The following CAMK2G variants were observed in gnomAD, a reference collection of about 807,000 sequenced individuals.
The protein encoded by CAMK2G is calcium/calmodulin dependent protein kinase II gamma.
CAMK2G carries 23 observed loss-of-function variants against 88.7 expected under a neutral mutation model. The observed-to-expected ratio is 0.26, with a 90% CI of 0.19 to 0.37. CAMK2G has a LOEUF of 0.37. Ranked by LOEUF, CAMK2G falls within the 10% of genes least tolerant of loss-of-function variation. The pLI is 1.00. For missense variants in CAMK2G, 476 were observed against 780.8 expected (o/e 0.61, Z 4.65); for synonymous variants, 263 against 294.8 (o/e 0.89, Z 1.11).
chr10:73,843,891 T>C (rs956457895), intron 10 of CAMK2G, among the ~76,000 whole-genome samples: 6 of 152,098 alleles, frequency 3.9e-5, no homozygotes, highest in Non-Finnish European at 7.4e-5. Flanking sequence ...CACAAGCCGA[T>C]CTTCACCTGC....
chr10:73,861,800 A>T (rs2095390749), intron 2 of CAMK2G, among the ~76,000 whole-genome samples: 1 of 152,228 alleles, frequency 6.6e-6, no homozygotes, highest in African/African-American at 2.4e-5. Flanking sequence ...CTGATAATAA[A>T]GAGGTTGATG....
rs1296993265 is a variant in CAMK2G, at chr10:73,842,401, C to A, written c.903+57G>T. ...GCTTCCTTCTGAAATGGGGCAGGAG[C>A]CACACTGGTGCAAGGCATGATGTCA... is the stretch of plus-strand genomic sequence containing the variant. On this transcript the variant is annotated intron_variant, in intron 11 of 22. Coordinates refer to ENST00000423381, the MANE Select transcript of CAMK2G (RefSeq NM_001367534.1). The surrounding 1 kb of genome is among the most constrained non-coding windows in gnomAD (Gnocchi z 4.6). 3.0e-6 allele frequency: 4 copies of A among 1,353,898 alleles called. No individual in the cohort carries two copies. Among genetic ancestry groups the A allele is most frequent in the Admixed American group, 1.7e-5 (1 of 59,696 alleles). The allele number at this position is 1,353,898 out of a possible 1,614,324, so 83.9% of individuals were successfully genotyped here.
At chr10:73,831,599 G>C (rs2092455758) in intron 14 of CAMK2G, among the ~76,000 whole-genome samples, 1 of 150,902 alleles carries the variant, frequency 6.6e-6, no homozygotes, top group Non-Finnish European at 1.5e-5. Context: ...GCCAGGCGTG[G>C]TGGCTCATGC....
In CAMK2G at chr10:73,848,045, G is replaced by A. The variant is rs767004072; in HGVS notation, c.639C>T (p.Pro213=). 5 of 1,611,982 alleles carry A rather than the reference G, an allele frequency of 3.1e-6. No individual in the cohort carries two copies. The highest frequency in any genetic ancestry group is 1.1e-5 in the South Asian group (1 of 91,054). ...ILYILLVGYP[P]FWDEDQHKLY... ...GCTTGTGCTGATCCTCATCCCAGAA[G>A]GGAGGATAGCCCACCAGGAGGATAT... Residue 213 remains proline, a synonymous_variant, in exon 9 of 23, where the codon CCC becomes CCT. Transcript: ENST00000423381. The surrounding 1 kb of genome is among the most constrained non-coding windows in gnomAD (Gnocchi z 4.5).
chr10:73,816,755 G>A (rs903474200), intron 21 of CAMK2G: 9 of 1,422,642 alleles, frequency 6.3e-6, no homozygotes, highest in Non-Finnish European at 6.5e-6. Context: ...CACCGCGCCC[G>A]GCAAGAAATA....
intron 3 of CAMK2G, among the ~76,000 whole-genome samples, chr10:73,857,457 G>C (rs538738093): frequency 3.3e-5 from 5 of 152,154 alleles, no homozygotes. Context: ...CTCCGAAGCC[G>C]CAAAACTTGG....
chr10:73,828,914 G>A (rs1031054797), intron 14 of CAMK2G, among the ~76,000 whole-genome samples: 5 of 152,152 alleles, frequency 3.3e-5, no homozygotes, highest in Admixed American at 1.3e-4. Flanking sequence ...TGAAGACCAC[G>A]TGGAACACTG....
chr10:73,864,796 C>G (rs2095524306), intron 2 of CAMK2G, among the ~76,000 whole-genome samples: 1 of 152,124 alleles, frequency 6.6e-6, no homozygotes, highest in Non-Finnish European at 1.5e-5. Context: ...GCGCCCATCA[C>G]CATGCCCGGC....
chr10:73,853,032 C>A (rs2094751317), intron 4 of CAMK2G, among the ~76,000 whole-genome samples, 160 bp downstream of exon 4: 1 of 152,184 alleles, frequency 6.6e-6, no homozygotes, highest in South Asian at 2.1e-4. Context: ...TGGAGACCCC[C>A]TTGGTGGGGG....
chr10:73,834,801 A>G (rs559579298), intron 14 of CAMK2G, among the ~76,000 whole-genome samples: 3 of 152,316 alleles, frequency 2.0e-5, no homozygotes, highest in South Asian at 2.1e-4. Flanking sequence ...ATGGCTGCAC[A>G]TGACCTTCAT....
chr10:73,853,020 C>T (rs1037978104), intron 4 of CAMK2G, among the ~76,000 whole-genome samples, 172 bp downstream of exon 4: 2 of 152,204 alleles, frequency 1.3e-5, no homozygotes, highest in South Asian at 4.1e-4. Flanking sequence ...GCTGGGGGAA[C>T]ATGGAGACCC....
chr10:73,848,903 C>T lies in CAMK2G; in HGVS notation c.517+110G>A. 3.8e-6 allele frequency: 3 copies of T among 787,660 alleles called. No individual in the cohort carries two copies. The highest frequency in any genetic ancestry group is 4.6e-6 in the Non-Finnish European group (2 of 434,822). The allele number at this position is 787,660 out of a possible 1,614,324, so 48.8% of individuals were successfully genotyped here. A position where few individuals can be genotyped will look rare whatever the true frequency, so the allele number is the denominator to read the frequency against. ...AGTCGCGTACGGCCAAGAGAGATCT[C>T]GGAGGCCAGGACCATTAAGGGTCTG... On this transcript the variant is annotated intron_variant, in intron 7 of 22. Coordinates refer to ENST00000423381, the MANE Select transcript of CAMK2G (RefSeq NM_001367534.1). This position sits in a 1 kb window ranked among gnomAD's most constrained non-coding sequence, Gnocchi z 4.5.
chr10:73,835,065 A>G (rs2093030561), intron 14 of CAMK2G, among the ~76,000 whole-genome samples: 1 of 151,930 alleles, frequency 6.6e-6, no homozygotes, highest in Admixed American at 6.6e-5. Context: ...TCCTTAACCC[A>G]GCAAAATCCA....
chr10:73,825,344 G>C lies in CAMK2G; in HGVS notation c.1090C>G (p.Gln364Glu), dbSNP rs753315434. 2 of 1,613,576 alleles carry C rather than the reference G, an allele frequency of 1.2e-6. No homozygotes were observed. The highest frequency in any genetic ancestry group is 2.2e-5 in the South Asian group (2 of 91,068). The change falls in exon 16 of 23, where the codon CAG becomes GAG. Residue 364 changes from glutamine to glutamate, a missense_variant. Physicochemically the swap from Gln to Glu is conservative, Grantham distance 29. This residue lies in a region of CAMK2G where 278 missense variants were observed against 366.5 expected (regional missense o/e 0.76). Transcript: ENST00000423381. ...KSSSSVHLMP[Q>E]SNNKNSLVSP... ...ACGAGACTGTTTTTGTTGTTGCTCT[G>C]TGGCTGAGACAAGAAAACAGATGGT...
chr10:73,852,333 G>A lies in CAMK2G; in HGVS notation c.276-14C>T. On this transcript the variant is annotated splice_polypyrimidine_tract_variant and intron_variant, in intron 4 of 22. Coordinates refer to ENST00000423381, the MANE Select transcript of CAMK2G (RefSeq NM_001367534.1). ...CCGCCGGTAACACTGCAACCAACGGGAAGAAGAGGGTCAGAGGCAGAAAGG... is the reference window on the plus strand; with the variant it reads ...CCGCCGGTAACACTGCAACCAACGGAAAGAAGAGGGTCAGAGGCAGAAAGG... 1 of 1,612,520 alleles carries A rather than the reference G, an allele frequency of 6.2e-7. No homozygotes were observed. The highest frequency in any genetic ancestry group is 8.5e-7 in the Non-Finnish European group (1 of 1,178,500).
intron 15 of CAMK2G, among the ~76,000 whole-genome samples, chr10:73,826,290 G>A (rs527353972): frequency 1.4e-4 from 21 of 152,148 alleles, no homozygotes; most frequent in South Asian, 4.1e-4. Context: ...AAAATTAGCC[G>A]GGCATGGTGG....
chr10:73,846,894 A>G (rs1465106565), intron 10 of CAMK2G: 1 of 247,514 alleles, frequency 4.0e-6, no homozygotes, highest in Non-Finnish European at 7.9e-6. Context: ...CCAGCTTGGG[A>G]ATTCACTTTG....
At chr10:73,862,467 T>C (rs1032420740) in intron 2 of CAMK2G, among the ~76,000 whole-genome samples, 4 of 152,140 alleles carry the variant, frequency 2.6e-5, no homozygotes, top group Non-Finnish European at 5.9e-5. Flanking sequence ...CTAATAACAG[T>C]AGTCGCCATA....
In CAMK2G at chr10:73,862,276, G is replaced by A. The variant is rs1424604915; in HGVS notation, c.161-1387C>T. Among the ~76,000 whole-genome samples, 5 of 129,158 alleles carry A rather than the reference G, an allele frequency of 3.9e-5. No homozygotes were observed. In the South Asian group the frequency reaches 1.3e-3, roughly 32 times the overall value. 84.7% of individuals were successfully genotyped at this position (129,158 alleles called of 152,430 possible). A position where few individuals can be genotyped will look rare whatever the true frequency, so the allele number is the denominator to read the frequency against. On this transcript the variant is annotated intron_variant, in intron 2 of 22. Coordinates refer to ENST00000423381, the MANE Select transcript of CAMK2G (RefSeq NM_001367534.1). ...TCTTCCCTGCTCCTCTCGGTAGACT[G>A]TGACTTCTCCCTCCTACTCCACCCC...
Sources: gnomAD v4.1 joint callset for allele counts (sites outside exome capture counted in the v4.1 genomes callset) on GRCh38, gnomAD v4.1.1 for gene constraint, gnomAD v4.1.1 regional missense constraint, Gnocchi (gnomAD v3.1) non-coding constraint, MANE v1.5 for transcripts, NCBI Gene and HGNC (gene_info 2026-07-23, HGNC 2026-07-21) for gene names.